Variants in CARMIL1 observed in about 807,000 individuals in gnomAD.
CARMIL1 encodes the protein capping protein regulator and myosin 1 linker 1, also known as F-actin-uncapping protein LRRC16A.
In CARMIL1, 90 loss-of-function variants were observed where a neutral mutation model predicts 177.1. That is an observed-to-expected ratio of 0.51 (90% CI 0.43 to 0.61). CARMIL1 has a LOEUF of 0.61. Ranked by LOEUF, CARMIL1 falls within the 20% of genes least tolerant of loss-of-function variation. The pLI is 0.00. For missense variants in CARMIL1, 1,380 were observed against 1,667.0 expected (o/e 0.83, Z 3.00); for synonymous variants, 577 against 606.2 (o/e 0.95, Z 0.71).
intron 22 of CARMIL1, among the ~76,000 whole-genome samples, chr6:25,518,090 A>G (rs1806190124): frequency 6.6e-6 from 1 of 152,216 alleles, no homozygotes; most frequent in Non-Finnish European, 1.5e-5. Flanking sequence ...GAGAGGCTAT[A>G]AAATATGGGT....
intron 2 of CARMIL1, among the ~76,000 whole-genome samples, chr6:25,328,968 G>A (rs1484595931): frequency 6.6e-6 from 1 of 152,134 alleles, no homozygotes; most frequent in East Asian, 1.9e-4. Flanking sequence ...CCAGTCTTAG[G>A]AGGGTCATAT....
intron 15 of CARMIL1, among the ~76,000 whole-genome samples, 156 bp downstream of exon 15, chr6:25,492,180 TTTTTG>T (rs1209768507): frequency 2.0e-5 from 3 of 152,174 alleles, no homozygotes; most frequent in Non-Finnish European, 4.4e-5. Context: ...AACATTCAAG[TTTTTG>T]TTTTATCATT....
chr6:25,356,004 A>C (rs938848654), intron 2 of CARMIL1, among the ~76,000 whole-genome samples: 1 of 151,176 alleles, frequency 6.6e-6, no homozygotes, highest in Non-Finnish European at 1.5e-5. Flanking sequence ...AGCTTATAGT[A>C]CAAGAAAGAG....
chr6:25,368,288 C>T (rs1286628016), intron 2 of CARMIL1, among the ~76,000 whole-genome samples: 1 of 152,184 alleles, frequency 6.6e-6, no homozygotes, highest in Non-Finnish European at 1.5e-5. Flanking sequence ...GTTAACTGTC[C>T]TTTTCCCAAG....
intron 17 of CARMIL1, among the ~76,000 whole-genome samples, chr6:25,500,800 T>G (rs1368671284): frequency 6.6e-6 from 1 of 151,972 alleles, no homozygotes; most frequent in Non-Finnish European, 1.5e-5. Context: ...TGGAGTTTTG[T>G]TTTGTCGCCC....
In CARMIL1 at chr6:25,326,286, C is replaced by A. The variant is rs1471975084; in HGVS notation, c.138+41377C>A. On this transcript the variant is annotated intron_variant, in intron 2 of 36. Coordinates refer to ENST00000329474, the MANE Select transcript of CARMIL1 (RefSeq NM_017640.6). The surrounding 1 kb of genome is among the most constrained non-coding windows in gnomAD (Gnocchi z 4.2). ...GCAGATTCAATATATTGTGCAAAGG[C>A]CCTGAGGAAGTGTGTGGTTTTAGTG... 2.0e-5 allele frequency among the ~76,000 whole-genome samples: 3 copies of A among 152,036 alleles called. No individual in the cohort carries two copies. The highest frequency in any genetic ancestry group is 4.8e-5 in the African/African-American group (2 of 41,376).
At position 25,554,080 on chromosome 6, in the gene CARMIL1, A is replaced by G; in HGVS notation, c.2576A>G (p.His859Arg). The change falls in exon 28 of 37, where the codon CAT becomes CGT. Residue 859 changes from histidine to arginine, a missense_variant. Transcript: ENST00000329474. The surrounding 1 kb of genome is among the most constrained non-coding windows in gnomAD (Gnocchi z 4.6). ...IVDEILDALS[H>R]CHHKLADHFS... is the part of the protein sequence containing the mutation. ...GATGAAATCCTGGATGCACTCTCAC[A>G]TTGCCATCATAAACTGGTGAGTGCT... 2 of 1,594,018 alleles carry G rather than the reference A, an allele frequency of 1.3e-6. No homozygotes were observed. Among genetic ancestry groups the G allele is most frequent in the Non-Finnish European group, 1.7e-6 (2 of 1,169,524 alleles).
intron 31 of CARMIL1, among the ~76,000 whole-genome samples, chr6:25,592,595 T>A (rs1490938186): frequency 6.6e-6 from 1 of 152,234 alleles, no homozygotes; most frequent in Non-Finnish European, 1.5e-5. Flanking sequence ...TCTCTTCACT[T>A]TTCAGCATGT....
intron 35 of CARMIL1, among the ~76,000 whole-genome samples, chr6:25,609,538 A>G (rs976101403): frequency 2.6e-5 from 4 of 151,448 alleles, no homozygotes; most frequent in Non-Finnish European, 5.9e-5. Flanking sequence ...CAATCTCTTC[A>G]TTTGTCCAGT....
intron 2 of CARMIL1, among the ~76,000 whole-genome samples, chr6:25,418,477 A>T (rs1226616391): frequency 6.6e-6 from 1 of 151,654 alleles, no homozygotes; most frequent in Non-Finnish European, 1.5e-5. Context: ...GCCATACTTC[A>T]TCCCTGTCCC....
intron 11 of CARMIL1, 82 bp downstream of exon 11, chr6:25,472,603 G>A: frequency 1.8e-6 from 2 of 1,127,988 alleles, no homozygotes; most frequent in Non-Finnish European, 2.6e-6. Context: ...CTGAAGAGCT[G>A]TATCAAGCTA....
rs373165766 is a variant in CARMIL1, at chr6:25,528,766, C to A, written c.1969-29C>A. On this transcript the variant is annotated intron_variant, in intron 23 of 36. Transcript: ENST00000329474. ...ATTCTCCGCTGGGTTGAAATGTATT[C>A]TTGAGGGATGCCTGTGCTTTATTTC... 190 of 1,475,984 alleles carry A rather than the reference C, an allele frequency of 1.3e-4. 1 individual carries two copies. The highest frequency in any genetic ancestry group is 4.2e-5 in the African/African-American group (3 of 71,962). 91.4% of individuals were successfully genotyped at this position (1,475,984 alleles called of 1,614,324 possible). A position where few individuals can be genotyped will look rare whatever the true frequency, so the allele number is the denominator to read the frequency against.
At chr6:25,388,839 C>A (rs1055589641) in intron 2 of CARMIL1, among the ~76,000 whole-genome samples, 4 of 152,188 alleles carry the variant, frequency 2.6e-5, no homozygotes, top group East Asian at 3.9e-4. Flanking sequence ...CCACACCCAG[C>A]ACATTTTTAC....
intron 3 of CARMIL1, among the ~76,000 whole-genome samples, chr6:25,423,289 T>A (rs1022534864): frequency 2.6e-5 from 4 of 152,188 alleles, no homozygotes; most frequent in African/African-American, 9.7e-5. Context: ...TCTCAGTAAT[T>A]AACTACGAAG....
chr6:25,343,944 T>G (rs527422898), intron 2 of CARMIL1, among the ~76,000 whole-genome samples: 25 of 152,232 alleles, frequency 1.6e-4, no homozygotes, highest in African/African-American at 5.1e-4. Context: ...CTCCTCTGAC[T>G]TTCAGGTCTC....
intron 2 of CARMIL1, among the ~76,000 whole-genome samples, chr6:25,343,718 A>G (rs997512135): frequency 2.6e-5 from 4 of 152,012 alleles, no homozygotes; most frequent in East Asian, 1.9e-4. Flanking sequence ...ACCATCAGTC[A>G]TCAGCAAACC....
chr6:25,614,581 T>G (rs1303040205), intron 36 of CARMIL1, among the ~76,000 whole-genome samples: 2 of 152,348 alleles, frequency 1.3e-5, no homozygotes, highest in Non-Finnish European at 2.9e-5. Flanking sequence ...ATATTGCCCC[T>G]TTTGTTAAGC....
At chr6:25,518,014 C>G (rs1806182307) in intron 22 of CARMIL1, among the ~76,000 whole-genome samples, 1 of 152,084 alleles carries the variant, frequency 6.6e-6, no homozygotes, top group Non-Finnish European at 1.5e-5. Context: ...TCTTTCTGGG[C>G]TTTTCGATCC....
chr6:25,567,761 A>G (rs1811682766), intron 29 of CARMIL1, among the ~76,000 whole-genome samples: 1 of 152,232 alleles, frequency 6.6e-6, no homozygotes, highest in South Asian at 2.1e-4. Flanking sequence ...GCTTTTGGCC[A>G]TTTAAGATTA....
Sources: allele counts gnomAD v4.1 joint callset (sites outside exome capture counted in the v4.1 genomes callset), GRCh38; gene constraint gnomAD v4.1.1; non-coding constraint Gnocchi (gnomAD v3.1); transcripts MANE v1.5; gene names NCBI Gene and HGNC (gene_info 2026-07-23, HGNC 2026-07-21).